The following PTPN4 variants were observed in gnomAD, a reference collection of about 807,000 sequenced individuals.
PTPN4 encodes the protein protein tyrosine phosphatase non-receptor type 4, also known as tyrosine-protein phosphatase non-receptor type 4.
In PTPN4, 49 loss-of-function variants were observed where a neutral mutation model predicts 135.5. That is an observed-to-expected ratio of 0.36 (90% CI 0.29 to 0.46). PTPN4 has a LOEUF of 0.46. Among genes scored for constraint, PTPN4 ranks in the 20% least tolerant of loss-of-function variants. PTPN4 has a pLI of 1.00. For synonymous variants in PTPN4, 333 were observed against 369.9 expected, an observed-to-expected ratio of 0.90 and a Z score of 1.14; for missense variants, 860 against 1,101.0, an observed-to-expected ratio of 0.78 and a Z score of 3.10.
At chr2:119,923,449 C>T (rs954740149) in intron 12 of PTPN4, among the ~76,000 whole-genome samples, 1 of 152,172 alleles carries the variant, frequency 6.6e-6, no homozygotes, top group Non-Finnish European at 1.5e-5. Context: ...CATCCTTTGT[C>T]AACCAAGTCC....
At chr2:119,943,614 C>T (rs1310595224) in intron 15 of PTPN4, among the ~76,000 whole-genome samples, 4 of 100,550 alleles carry the variant, frequency 4.0e-5, no homozygotes. Context: ...GAGATGGAGT[C>T]TTGCTCTGTC....
rs760973124 is a variant in PTPN4 at position 119,900,788 on chromosome 2, G to A, written c.746G>A (p.Arg249Gln). Residue 249 changes from arginine (R) to glutamine (Q), a missense_variant, in exon 10 of 27, where the codon CGA (arginine) becomes CAA (glutamine). This residue lies in a region of PTPN4 where 684 missense variants were observed against 807.0 expected (regional missense o/e 0.85). Transcript: ENST00000263708. ...ATTCTGATTTATAAGAACAGGGTAC[G>A]AATGAATACCTTTCCATGGTAAGAA... The part of the protein sequence containing the change: ...GGILIYKNRV[R>Q]MNTFPWLKIV... 56 of 1,566,414 alleles carry A rather than the reference G, an allele frequency of 3.6e-5. No individual in the cohort carries two copies. Among genetic ancestry groups the A allele is most frequent in the South Asian group, 3.1e-4 (26 of 84,642 alleles).
chr2:119,913,140 C>T (rs965572545), intron 10 of PTPN4, among the ~76,000 whole-genome samples: 1 of 152,042 alleles, frequency 6.6e-6, no homozygotes, highest in African/African-American at 2.4e-5. Context: ...GTTTTTTCCC[C>T]TTTTTGGCTG....
At chr2:119,781,552 T>G (rs1363044526) in intron 1 of PTPN4, among the ~76,000 whole-genome samples, 1 of 152,250 alleles carries the variant, frequency 6.6e-6, no homozygotes, top group East Asian at 1.9e-4. Context: ...TTTATATTTC[T>G]TTTGATTTAT....
At chr2:119,869,386 G>A (rs550624629) in intron 3 of PTPN4, among the ~76,000 whole-genome samples, 1 of 152,336 alleles carries the variant, frequency 6.6e-6, no homozygotes, top group South Asian at 2.1e-4. Context: ...TGGACCCACA[G>A]TCTGTATTCT....
chr2:119,891,428 T>A (rs957033504), intron 9 of PTPN4, among the ~76,000 whole-genome samples: 3 of 152,184 alleles, frequency 2.0e-5, no homozygotes, highest in African/African-American at 7.2e-5. Context: ...ATTCAAGTGA[T>A]TCTCGTGCCT....
At chr2:119,775,505 A>G (rs1574326990) in intron 1 of PTPN4, among the ~76,000 whole-genome samples, 1 of 152,322 alleles carries the variant, frequency 6.6e-6, no homozygotes, top group East Asian at 1.9e-4. Context: ...GCTCTTCCAA[A>G]CACAACATTT....
intron 2 of PTPN4, among the ~76,000 whole-genome samples, chr2:119,854,788 T>TG (rs537432665): frequency 2.6e-5 from 4 of 152,252 alleles, no homozygotes; most frequent in Non-Finnish European, 5.9e-5. Flanking sequence ...AGAGGGATTA[T>TG]GGCCACCCGG....
intron 2 of PTPN4, among the ~76,000 whole-genome samples, chr2:119,822,736 CT>C (rs200065960): frequency 1.3e-5 from 2 of 151,190 alleles, no homozygotes; most frequent in Non-Finnish European, 3.0e-5. Context: ...TACATTCCTT[CT>C]TTTTTTTTCC....
At chr2:119,802,456 A>G (rs1007989318) in intron 1 of PTPN4, among the ~76,000 whole-genome samples, 2 of 152,186 alleles carry the variant, frequency 1.3e-5, no homozygotes, top group South Asian at 4.1e-4. Context: ...GCTTTCCTGC[A>G]TTGATTAAAA....
At chr2:119,782,905 C>T (rs953075926) in intron 1 of PTPN4, among the ~76,000 whole-genome samples, 2 of 151,584 alleles carry the variant, frequency 1.3e-5, no homozygotes, top group Non-Finnish European at 2.9e-5. Context: ...ACAGGATCTC[C>T]CTATGTTCCC....
intron 1 of PTPN4, among the ~76,000 whole-genome samples, chr2:119,773,684 C>T (rs904188417): frequency 4.0e-5 from 6 of 148,620 alleles, no homozygotes; most frequent in Non-Finnish European, 7.4e-5. Flanking sequence ...TGCAGTGAGC[C>T]GAGATCGCAC....
chr2:119,969,273 A>G (rs1332716708), intron 26 of PTPN4, among the ~76,000 whole-genome samples: 1 of 152,104 alleles, frequency 6.6e-6, no homozygotes, highest in African/African-American at 2.4e-5. Flanking sequence ...TCAGCCTCCC[A>G]AAGTGTTGGG....
chr2:119,764,554 C>G (rs1232307219), intron 1 of PTPN4, among the ~76,000 whole-genome samples: 1 of 152,120 alleles, frequency 6.6e-6, no homozygotes, highest in Non-Finnish European at 1.5e-5. Context: ...TTAATCCACT[C>G]ACAAGGATCA....
chr2:119,808,207 G>T (rs1691515816), intron 1 of PTPN4, among the ~76,000 whole-genome samples: 1 of 152,174 alleles, frequency 6.6e-6, no homozygotes. Flanking sequence ...ATTCAACATA[G>T]TGTTGGAAGT....
intron 1 of PTPN4, among the ~76,000 whole-genome samples, chr2:119,772,268 A>G (rs1315738642): frequency 6.6e-6 from 1 of 152,204 alleles, no homozygotes; most frequent in Non-Finnish European, 1.5e-5. Flanking sequence ...GTGATTTGAA[A>G]AAGTTCTCTT....
chr2:119,765,090 G>A (rs993430179), intron 1 of PTPN4, among the ~76,000 whole-genome samples: 1 of 152,144 alleles, frequency 6.6e-6, no homozygotes, highest in Non-Finnish European at 1.5e-5. Context: ...TGGGCAAAGT[G>A]TCTCATTTCT....
chr2:119,897,303 T>A (rs1479861106), intron 9 of PTPN4, among the ~76,000 whole-genome samples: 3 of 152,136 alleles, frequency 2.0e-5, no homozygotes. Flanking sequence ...TTTTAAGATG[T>A]TTTGCCACAG....
intron 3 of PTPN4, among the ~76,000 whole-genome samples, chr2:119,876,753 A>G (rs1469792156): frequency 1.3e-5 from 2 of 152,152 alleles, no homozygotes; most frequent in Non-Finnish European, 2.9e-5. Context: ...ACTAAACATT[A>G]TATCTTTAAA....
Sources: allele counts gnomAD v4.1 joint callset (sites outside exome capture counted in the v4.1 genomes callset), GRCh38; gene constraint gnomAD v4.1.1; regional missense constraint gnomAD v4.1.1; transcripts MANE v1.5; gene names NCBI Gene and HGNC (gene_info 2026-07-23, HGNC 2026-07-21).